The following KIAA1217 variants were observed in gnomAD, a reference collection of about 807,000 sequenced individuals.
KIAA1217 encodes the protein KIAA1217.
KIAA1217 carries 88 observed loss-of-function variants against 163.9 expected under a neutral mutation model. That is an observed-to-expected ratio of 0.54 (90% CI 0.45 to 0.64). KIAA1217 has a LOEUF of 0.64. Ranked by LOEUF, KIAA1217 falls within the 30% of genes least tolerant of loss-of-function variation. The probability of loss-of-function intolerance (pLI) is 0.00; values close to 1 mark genes in which losing one functional copy is unlikely to be tolerated. For synonymous variants in KIAA1217, 903 were observed against 923.1 expected (o/e 0.98, Z 0.39); for missense variants, 2,372 against 2,475.0 (o/e 0.96, Z 0.88).
At chr10:24,132,811 G>A (rs1589617331) in intron 2 of KIAA1217, among the ~76,000 whole-genome samples, 1 of 152,136 alleles carries the variant, frequency 6.6e-6, no homozygotes, top group Non-Finnish European at 1.5e-5. Flanking sequence ...GAGGCTGGGG[G>A]GCTGTCTGCC....
Position 24,315,630 on chromosome 10 carries a change from C to T in KIAA1217, c.355-65239C>T, listed in dbSNP as rs2043250196. On this transcript the variant is annotated intron_variant, in intron 2 of 20. Transcript: ENST00000376454. ...GAGTGGTGGCCCACACCTGTAATCC[C>T]AGCACTTTGGGAGGCTGAGGCAAGA... Among the ~76,000 whole-genome samples, 4 of 152,158 alleles carry T rather than the reference C, an allele frequency of 2.6e-5. No homozygotes were observed. The South Asian group carries it at 6.2e-4, about 24-fold the overall frequency.
At chr10:24,427,681 A>G (rs536690503) in intron 3 of KIAA1217, among the ~76,000 whole-genome samples, 1 of 152,248 alleles carries the variant, frequency 6.6e-6, no homozygotes, top group South Asian at 2.1e-4. Context: ...CCTTCTTCAT[A>G]AAAAGGGAGT....
chr10:24,376,591 C>A (rs547052623), intron 2 of KIAA1217, among the ~76,000 whole-genome samples: 1 of 152,040 alleles, frequency 6.6e-6, no homozygotes. Flanking sequence ...AGTGAGACCT[C>A]GTCTACTACA....
chr10:24,385,686 C>G (rs1055764379), intron 3 of KIAA1217, among the ~76,000 whole-genome samples: 1 of 152,226 alleles, frequency 6.6e-6, no homozygotes, highest in Non-Finnish European at 1.5e-5. Context: ...GCCCTTTCCT[C>G]TCATCCAGAG....
At chr10:24,495,850 A>G (rs550960063) in intron 8 of KIAA1217, among the ~76,000 whole-genome samples, 2 of 152,162 alleles carry the variant, frequency 1.3e-5, no homozygotes, top group African/African-American at 4.8e-5. Flanking sequence ...TATCTTTTTA[A>G]TCTCATGACA....
chr10:24,146,863 G>C (rs2064339659), intron 2 of KIAA1217, among the ~76,000 whole-genome samples: 1 of 152,132 alleles, frequency 6.6e-6, no homozygotes. Flanking sequence ...GAGAGGAAGA[G>C]AAAGTCAAAG....
At chr10:23,828,315 C>T (rs757052066) in intron 1 of KIAA1217, among the ~76,000 whole-genome samples, 12 of 152,128 alleles carry the variant, frequency 7.9e-5, no homozygotes, top group Non-Finnish European at 1.8e-4. Flanking sequence ...TCCTCTGATA[C>T]AGCAATAGCA....
chr10:24,426,236 G>C (rs2059156911), intron 3 of KIAA1217, among the ~76,000 whole-genome samples: 1 of 152,194 alleles, frequency 6.6e-6, no homozygotes, highest in Admixed American at 6.5e-5. Context: ...TCAACTAAAG[G>C]TATCTGAGCG....
At chr10:24,092,913 G>GTGTGTGTGTGTGTGT (rs1231308720) in intron 2 of KIAA1217, among the ~76,000 whole-genome samples, 1 of 137,206 alleles carries the variant, frequency 7.3e-6, no homozygotes, top group Non-Finnish European at 1.5e-5. Flanking sequence ...TAGTGTGTGT[G>GTGTGTGTGTGTGTGT]TGTGTGTGTG....
At chr10:23,819,710 G>A (rs1051313810) in intron 1 of KIAA1217, among the ~76,000 whole-genome samples, 1 of 152,126 alleles carries the variant, frequency 6.6e-6, no homozygotes, top group African/African-American at 2.4e-5. Context: ...CATTGTACAT[G>A]GCAATTTGTC....
chr10:24,207,285 CA>C (rs2067614067), upstream of KIAA1217, among the ~76,000 whole-genome samples: 2 of 64,000 alleles, frequency 3.1e-5, no homozygotes, highest in Admixed American at 1.7e-4. Context: ...CTCTCTCTCA[CA>C]CACACACACA....
At chr10:24,253,518 T>G (rs565261258) in intron 2 of KIAA1217, among the ~76,000 whole-genome samples, 1 of 152,302 alleles carries the variant, frequency 6.6e-6, no homozygotes, top group East Asian at 1.9e-4. Flanking sequence ...TCTTACTTGC[T>G]TGATTGTTTG....
intron 1 of KIAA1217, among the ~76,000 whole-genome samples, chr10:23,928,254 T>A (rs190260073): frequency 6.6e-6 from 1 of 152,296 alleles, no homozygotes; most frequent in Non-Finnish European, 1.5e-5. Flanking sequence ...CCAGATGGAC[T>A]GGGGGAGGAA....
intron 1 of KIAA1217, among the ~76,000 whole-genome samples, chr10:23,888,408 G>A (rs1384008476): frequency 1.3e-5 from 2 of 151,896 alleles, no homozygotes; most frequent in African/African-American, 4.8e-5. Flanking sequence ...AAGTGAGTGA[G>A]ATAGACTACT....
intron 1 of KIAA1217, among the ~76,000 whole-genome samples, chr10:23,987,924 T>C (rs1655128519): frequency 6.6e-6 from 1 of 152,254 alleles, no homozygotes; most frequent in Admixed American, 6.5e-5. Context: ...TAGGATACTT[T>C]ACACTCTTAA....
At chr10:23,868,351 G>A (rs1840294349) in intron 1 of KIAA1217, among the ~76,000 whole-genome samples, 1 of 152,136 alleles carries the variant, frequency 6.6e-6, no homozygotes, top group Admixed American at 6.5e-5. Context: ...GCAGAGCCTG[G>A]GCCAAGATTT....
chr10:23,815,338 G>A (rs1321585712), intron 1 of KIAA1217, among the ~76,000 whole-genome samples: 2 of 152,180 alleles, frequency 1.3e-5, no homozygotes, highest in Non-Finnish European at 2.9e-5. Context: ...CAGAAAGACA[G>A]TGGATGGTAA....
intron 5 of KIAA1217, among the ~76,000 whole-genome samples, chr10:24,462,096 A>G (rs1391821032): frequency 1.3e-5 from 2 of 152,020 alleles, no homozygotes; most frequent in Non-Finnish European, 2.9e-5. Flanking sequence ...AACTTGTGAT[A>G]TGGTGATATC....
At chr10:24,253,928 A>T (rs1269003960) in intron 2 of KIAA1217, among the ~76,000 whole-genome samples, 2 of 151,982 alleles carry the variant, frequency 1.3e-5, no homozygotes, top group Non-Finnish European at 2.9e-5. Context: ...AAGAATATAA[A>T]AATAATAAAA....
Sources: gnomAD v4.1 joint callset for allele counts (sites outside exome capture counted in the v4.1 genomes callset) on GRCh38, gnomAD v4.1.1 for gene constraint, MANE v1.5 for transcripts, NCBI Gene and HGNC (gene_info 2026-07-23, HGNC 2026-07-21) for gene names.